Variants in PCDHGA1 observed in about 807,000 individuals in gnomAD.
PCDHGA1 encodes protocadherin gamma-A1.
PCDHGA1 carries 32 observed loss-of-function variants against 58.0 expected under a neutral mutation model. That is an observed-to-expected ratio of 0.55 (90% CI 0.42 to 0.74). The LOEUF is 0.74. Ranked by LOEUF, PCDHGA1 falls within the 30% of genes least tolerant of loss-of-function variation. PCDHGA1 has a pLI of 0.00. For synonymous variants in PCDHGA1, 498 were observed against 501.1 expected (o/e 0.99, Z 0.08); for missense variants, 1,205 against 1,182.3 (o/e 1.02, Z -0.28).
In PCDHGA1 at chr5:141,432,452, C is replaced by T. The variant is rs780149710; in HGVS notation, c.2422-62355C>T. 3.7e-6 allele frequency: 6 copies of T among 1,614,094 alleles called. No homozygotes were observed. The highest frequency in any genetic ancestry group is 1.6e-4 in the Middle Eastern group (1 of 6,082). On this transcript the variant is annotated intron_variant, in intron 1 of 3. Coordinates refer to ENST00000517417, the MANE Select transcript of PCDHGA1 (RefSeq NM_018912.3). The surrounding 1 kb of genome is among the most constrained non-coding windows in gnomAD (Gnocchi z 6.0). ...CGACAATGCGCCCGAGATCCTGTACCCCGCCCTCCCCACGGACGGTTCCAC... is the reference window on the plus strand; with the variant it reads ...CGACAATGCGCCCGAGATCCTGTACTCCGCCCTCCCCACGGACGGTTCCAC...
Position 141,332,818 on chromosome 5 carries a change from C to T in PCDHGA1, c.2134C>T (p.Leu712=). ...CTTCCTGGCCTTCGTCATCGTGCTGCTGGCGCACAGGCTGCGGCGCTGGCA... is the reference window on the plus strand; with the variant it reads ...CTTCCTGGCCTTCGTCATCGTGCTGTTGGCGCACAGGCTGCGGCGCTGGCA... ...CVFLAFVIVL[L]AHRLRRWHKS... The change falls in exon 1 of 4, where the codon CTG becomes TTG. Residue 712 remains leucine, a synonymous_variant. Transcript: ENST00000517417. The surrounding 1 kb of genome is among the most constrained non-coding windows in gnomAD (Gnocchi z 4.6). The T allele has an allele frequency of 6.2e-7, 1 of 1,614,228 alleles. No homozygotes were observed. The highest frequency in any genetic ancestry group is 8.5e-7 in the Non-Finnish European group (1 of 1,180,044).
chr5:141,352,129 C>T, intron 1 of PCDHGA1: 2 of 1,610,506 alleles, frequency 1.2e-6, no homozygotes, highest in Non-Finnish European at 8.5e-7. Context: ...GTGAGGTGCG[C>T]ACAGCGCGTG....
chr5:141,496,277 T>C (rs1484877198), intron 2 of PCDHGA1, among the ~76,000 whole-genome samples: 1 of 152,134 alleles, frequency 6.6e-6, no homozygotes, highest in Non-Finnish European at 1.5e-5. Context: ...AGACCTTCAG[T>C]TGGTCTGAGC....
intron 1 of PCDHGA1, chr5:141,399,691 C>A: frequency 6.2e-7 from 1 of 1,613,480 alleles, no homozygotes; most frequent in Non-Finnish European, 8.5e-7. Context: ...CGAGCAGCTG[C>A]GCACCTTCGA....
In PCDHGA1 at chr5:141,332,288, G is replaced by T. The variant is rs1156463888; in HGVS notation, c.1604G>T (p.Arg535Leu). 1 of 1,614,184 alleles carries T rather than the reference G, an allele frequency of 6.2e-7. No individual in the cohort carries two copies. Among genetic ancestry groups the T allele is most frequent in the Non-Finnish European group, 8.5e-7 (1 of 1,180,034 alleles). Residue 535 changes from arginine (R) to leucine (L), a missense_variant, in exon 1 of 4, where the codon CGG (arginine) becomes CTG (leucine). Physicochemically the swap from Arg to Leu is moderately radical, Grantham distance 102. Coordinates refer to ENST00000517417, the MANE Select transcript of PCDHGA1 (RefSeq NM_018912.3). This position sits in a 1 kb window ranked among gnomAD's most constrained non-coding sequence, Gnocchi z 4.6. ...GACATGCAACTGAAAGTGATGGCGCGGGACAGTGGGGATCCGCCCCTCAGC... is the reference window on the plus strand; with the variant it reads ...GACATGCAACTGAAAGTGATGGCGCTGGACAGTGGGGATCCGCCCCTCAGC... ...FRDMQLKVMARDSGDPPLSSN... is the reference protein window; with the variant it reads ...FRDMQLKVMALDSGDPPLSSN...
At position 141,416,345 on chromosome 5, in the gene PCDHGA1, A is replaced by T. The variant is rs542527661; in HGVS notation, c.2422-78462A>T. ...ATTTAACTTTCATTGCTCAATAGGG[A>T]TCCTGAGGAGGCTATAGAGGGTGAA... On this transcript the variant is annotated intron_variant, in intron 1 of 3. Transcript: ENST00000517417. The T allele has an allele frequency of 4.6e-5, 7 of 152,330 alleles. No homozygotes were observed. In the East Asian group the frequency reaches 1.3e-3, roughly 29 times the overall value. The allele number at this position is 152,330 out of a possible 1,614,324, so 9.4% of individuals were successfully genotyped here. A position where few individuals can be genotyped will look rare whatever the true frequency, so the allele number is the denominator to read the frequency against.
Position 141,491,676 on chromosome 5 carries a change from T to C in PCDHGA1, c.2422-3131T>C. On this transcript the variant is annotated intron_variant, in intron 1 of 3. Coordinates refer to ENST00000517417, the MANE Select transcript of PCDHGA1 (RefSeq NM_018912.3). The surrounding 1 kb of genome is among the most constrained non-coding windows in gnomAD (Gnocchi z 6.9). ...AGCCTGACGCCATCCGGTCCCGCTC[T>C]AATACGCTGCGGGAGCGGAGCCAGG... 3.1e-6 allele frequency: 5 copies of C among 1,613,546 alleles called. No individual in the cohort carries two copies. Among genetic ancestry groups the C allele is most frequent in the Non-Finnish European group, 4.2e-6 (5 of 1,179,848 alleles).
chr5:141,365,788 A>T, intron 1 of PCDHGA1: 1 of 1,613,878 alleles, frequency 6.2e-7, no homozygotes, highest in South Asian at 1.1e-5. Flanking sequence ...ACAACGCTCG[A>T]GTCACCTACT....
intron 1 of PCDHGA1, among the ~76,000 whole-genome samples, chr5:141,443,812 G>A (rs1441798548): frequency 6.6e-6 from 1 of 151,990 alleles, no homozygotes; most frequent in Admixed American, 6.6e-5. Flanking sequence ...AGTTACCTTT[G>A]GAAAACATAA....
At chr5:141,465,494 G>C (rs2099104306) in intron 1 of PCDHGA1, among the ~76,000 whole-genome samples, 1 of 152,204 alleles carries the variant, frequency 6.6e-6, no homozygotes, top group African/African-American at 2.4e-5. Context: ...ATGAGCGGGA[G>C]CATTGTCGTG....
At chr5:141,364,134 A>G (rs1204922950) in intron 1 of PCDHGA1, 1 of 488,948 alleles carries the variant, frequency 2.0e-6, no homozygotes, top group African/African-American at 2.0e-5. Flanking sequence ...GCTGTTGACC[A>G]AAGTGGGAAA....
At chr5:141,446,461 A>G (rs1273508266) in intron 1 of PCDHGA1, among the ~76,000 whole-genome samples, 1 of 151,298 alleles carries the variant, frequency 6.6e-6, no homozygotes, top group Non-Finnish European at 1.5e-5. Flanking sequence ...TCAGTGTGTG[A>G]TTAGACATAT....
At chr5:141,464,426 G>GAT (rs1287556960) in intron 1 of PCDHGA1, among the ~76,000 whole-genome samples, 1 of 151,096 alleles carries the variant, frequency 6.6e-6, no homozygotes, top group African/African-American at 2.4e-5. Flanking sequence ...TATATATATA[G>GAT]ATATATATGT....
intron 2 of PCDHGA1, among the ~76,000 whole-genome samples, chr5:141,496,639 C>A (rs752903356): frequency 6.6e-6 from 1 of 152,222 alleles, no homozygotes; most frequent in Non-Finnish European, 1.5e-5. Flanking sequence ...TTGGGCTGCC[C>A]TTGCCCTTCC....
Position 141,372,133 on chromosome 5 carries a change from G to A in PCDHGA1, c.2421+39028G>A, listed in dbSNP as rs576893125. Reference sequence around the variant, plus strand: ...TCTGCGCTCTTCGATATGGTGCCGCGCTCTGCAGAGCCTGGCTACCTGGTG... The same window carrying A: ...TCTGCGCTCTTCGATATGGTGCCGCACTCTGCAGAGCCTGGCTACCTGGTG... On this transcript the variant is annotated intron_variant, in intron 1 of 3. Coordinates refer to ENST00000517417, the MANE Select transcript of PCDHGA1 (RefSeq NM_018912.3). 1.4e-5 allele frequency: 23 copies of A among 1,613,666 alleles called. No individual in the cohort carries two copies. The East Asian group carries it at 5.1e-4, about 36-fold the overall frequency.
rs1460430107 is a variant in PCDHGA1 at position 141,332,883 on chromosome 5, G to C, written c.2199G>C (p.Ala733=). The change falls in exon 1 of 4, where the codon GCG becomes GCC. Residue 733 remains alanine (A), a synonymous_variant. Coordinates refer to ENST00000517417, the MANE Select transcript of PCDHGA1 (RefSeq NM_018912.3). This position sits in a 1 kb window ranked among gnomAD's most constrained non-coding sequence, Gnocchi z 4.6. The part of the protein sequence containing the change: ...RLLQASGGGL[A]SMPGSHFVGV... ...TACAGGCTTCGGGAGGCGGCTTAGC[G>C]AGCATGCCCGGTTCGCACTTTGTGG... The C allele has an allele frequency of 4.3e-6, 7 of 1,614,236 alleles. No homozygotes were observed. Among genetic ancestry groups the C allele is most frequent in the Non-Finnish European group, 5.9e-6 (7 of 1,180,036 alleles).
chr5:141,436,193 A>G (rs2097801112), intron 1 of PCDHGA1, among the ~76,000 whole-genome samples: 1 of 152,156 alleles, frequency 6.6e-6, no homozygotes, highest in South Asian at 2.1e-4. Flanking sequence ...AAATAGAAAG[A>G]AAGACATAAT....
In PCDHGA1 at chr5:141,406,998, A is replaced by G. The variant is rs138992041; in HGVS notation, c.2421+73893A>G. ...AACATTTCACAAGACATTTGAAAAT[A>G]AGCTTTGAAGTTGACTCAAAATTCT... On this transcript the variant is annotated intron_variant, in intron 1 of 3. Transcript: ENST00000517417. 7.5e-3 allele frequency among the ~76,000 whole-genome samples: 1,140 copies of G among 152,352 alleles called. 5 individuals carry two copies. The highest frequency in any genetic ancestry group is 0.012 in the Non-Finnish European group (837 of 68,024).
intron 1 of PCDHGA1, chr5:141,340,309 C>A (rs777718432): frequency 6.2e-7 from 1 of 1,614,178 alleles, no homozygotes; most frequent in Admixed American, 1.7e-5. Context: ...CAGACATCAA[C>A]GACAACGCAC....
Sources: gnomAD v4.1 joint callset for allele counts (sites outside exome capture counted in the v4.1 genomes callset) on GRCh38, gnomAD v4.1.1 for gene constraint, Gnocchi (gnomAD v3.1) non-coding constraint, MANE v1.5 for transcripts, NCBI Gene and HGNC (gene_info 2026-07-23, HGNC 2026-07-21) for gene names.